The following ANKRD30B variants were observed in gnomAD, a reference collection of about 807,000 sequenced individuals.
ANKRD30B encodes the protein ankyrin repeat domain 30B, also known as ankyrin repeat domain-containing protein 30B.
In ANKRD30B, 144 loss-of-function variants were observed where a neutral mutation model predicts 202.2. That is an observed-to-expected ratio of 0.71 (90% CI 0.62 to 0.82). The LOEUF is 0.82. Ranked by LOEUF, ANKRD30B falls within the 40% of genes least tolerant of loss-of-function variation. The probability of loss-of-function intolerance (pLI) is 0.00; values close to 1 mark genes in which losing one functional copy is unlikely to be tolerated. For synonymous variants in ANKRD30B, 508 were observed against 561.3 expected, an observed-to-expected ratio of 0.91 and a Z score of 1.34; for missense variants, 1,487 against 1,669.1, an observed-to-expected ratio of 0.89 and a Z score of 1.90.
At chr18:14,880,918 T>G in the ANKRD30B span, among the ~76,000 whole-genome samples, 1 of 152,222 alleles carries the variant, frequency 6.6e-6, no homozygotes, top group Non-Finnish European at 1.5e-5. Flanking sequence ...GAGCTACTGA[T>G]TTGTGTCCAT....
At chr18:14,766,619 T>A (rs575669664) in intron 7 of ANKRD30B, among the ~76,000 whole-genome samples, 19 of 152,220 alleles carry the variant, frequency 1.2e-4, no homozygotes, top group Middle Eastern at 6.8e-3. Flanking sequence ...GGATATTTTC[T>A]GTAGGTAATT....
At chr18:14,901,046 G>C in the ANKRD30B span, among the ~76,000 whole-genome samples, 8 of 152,110 alleles carry the variant, frequency 5.3e-5, no homozygotes, top group Non-Finnish European at 1.0e-4. Flanking sequence ...AAAACTCCAG[G>C]AGCCTATTTT....
the ANKRD30B span, among the ~76,000 whole-genome samples, chr18:14,896,225 AG>A: frequency 6.7e-6 from 1 of 149,832 alleles, no homozygotes; most frequent in Non-Finnish European, 1.5e-5. Flanking sequence ...TCCGCCTCCC[AG>A]GTTTGTGCCA....
intron 33 of ANKRD30B, among the ~76,000 whole-genome samples, chr18:14,829,332 A>T (rs961669881): frequency 3.9e-5 from 6 of 152,222 alleles, no homozygotes; most frequent in Non-Finnish European, 7.3e-5. Context: ...AGGTAGCAGA[A>T]GTAATATTTA....
rs1238969494 is a variant in ANKRD30B, at chr18:14,748,243, G to T, written c.-177G>T. The T allele has an allele frequency of 3.6e-6, 2 of 558,016 alleles. No individual in the cohort carries two copies. Among genetic ancestry groups the T allele is most frequent in the Admixed American group, 6.7e-5 (2 of 29,638 alleles). The allele number at this position is 558,016 out of a possible 1,614,324, so 34.6% of individuals were successfully genotyped here. ...TCCCGACAGAGGCCGGAGTGTTCAA[G>T]AGCTTGGCGATACAGAAATTTCTGC... On this transcript the variant is annotated 5_prime_UTR_variant, in exon 1 of 44. Transcript: ENST00000690538.
the ANKRD30B span, among the ~76,000 whole-genome samples, chr18:14,926,167 A>G: frequency 6.6e-6 from 1 of 152,186 alleles, no homozygotes; most frequent in African/African-American, 2.4e-5. Flanking sequence ...GGTTTCCTGA[A>G]GGTGTAATTA....
At chr18:14,863,607 T>C in the ANKRD30B span, among the ~76,000 whole-genome samples, 1 of 152,286 alleles carries the variant, frequency 6.6e-6, no homozygotes, top group Middle Eastern at 3.4e-3. Context: ...TGAAATTGAA[T>C]TTGTAATAAA....
In ANKRD30B at chr18:14,760,612, A is replaced by T; in HGVS notation, c.814A>T (p.Asn272Tyr). ...ATTACCTAAAAATCCTCAAAATACC[A>T]ATCCAGGTAAGACTTCGGATAGCAA... is the stretch of plus-strand genomic sequence containing the variant. ...RKLPKNPQNT[N>Y]PEGTSTGTPD... Residue 272 changes from asparagine to tyrosine, a missense_variant, in exon 6 of 44, where the codon AAT (asparagine) becomes TAT (tyrosine). Asn to Tyr is a moderately radical substitution (Grantham distance 143). Around this residue, in one of 6 missense-constraint regions of ANKRD30B, gnomAD observed 889 missense variants for 841.4 expected, o/e 1.06. Transcript: ENST00000690538. 6.5e-7 allele frequency: 1 copy of T among 1,535,924 alleles called. No homozygotes were observed. Among genetic ancestry groups the T allele is most frequent in the East Asian group, 2.5e-5 (1 of 40,218 alleles).
downstream of ANKRD30B, among the ~76,000 whole-genome samples, chr18:14,854,786 G>A (rs1212845428): frequency 2.0e-5 from 3 of 149,114 alleles, no homozygotes; most frequent in African/African-American, 7.5e-5. Flanking sequence ...CCTGTCCCAA[G>A]ACTCCAAGTT....
chr18:14,867,135 G>A, the ANKRD30B span, among the ~76,000 whole-genome samples: 473 of 136,604 alleles, frequency 3.5e-3, no homozygotes, highest in Non-Finnish European at 5.2e-3. Context: ...CTTGTGGTCC[G>A]GGTGGGGGGC....
At chr18:14,920,849 CAA>C in the ANKRD30B span, among the ~76,000 whole-genome samples, 1 of 152,228 alleles carries the variant, frequency 6.6e-6, no homozygotes, top group Non-Finnish European at 1.5e-5. Context: ...AAATAATTGA[CAA>C]GTTACCAAGT....
intron 42 of ANKRD30B, among the ~76,000 whole-genome samples, 24 bp from the exon 43 acceptor site, chr18:14,853,785 A>G (rs1366577658): frequency 6.6e-6 from 1 of 152,228 alleles, no homozygotes; most frequent in Non-Finnish European, 1.5e-5. Flanking sequence ...GATGATTCAC[A>G]AAATCAAAAA....
At chr18:14,891,282 G>A in the ANKRD30B span, among the ~76,000 whole-genome samples, 2 of 149,620 alleles carry the variant, frequency 1.3e-5, 1 homozygote, top group South Asian at 4.3e-4. Context: ...TTTGCTACCT[G>A]GATAATAAAA....
chr18:14,819,118 A>G lies in ANKRD30B; in HGVS notation c.2642-3365A>G, dbSNP rs531236062. ...TGCATTTCTCTGATGGCCAGTGATG[A>G]TGAGCATTTTTTCATGTGTTTTTTG... On this transcript the variant is annotated intron_variant, in intron 30 of 43. Coordinates refer to ENST00000690538, the MANE Select transcript of ANKRD30B (RefSeq NM_001367607.2). Among the ~76,000 whole-genome samples the G allele has an allele frequency of 6.6e-5, 10 of 151,218 alleles. No homozygotes were observed. The East Asian group carries it at 1.2e-3, about 18-fold the overall frequency.
chr18:14,917,482 G>GCCTTCCCT, the ANKRD30B span, among the ~76,000 whole-genome samples: 1 of 152,116 alleles, frequency 6.6e-6, no homozygotes, highest in Non-Finnish European at 1.5e-5. Context: ...GCAGACACGG[G>GCCTTCCCT]GTCTGGCCAT....
chr18:14,818,828 G>A (rs1970257878), intron 30 of ANKRD30B, among the ~76,000 whole-genome samples: 1 of 151,934 alleles, frequency 6.6e-6, no homozygotes, highest in Non-Finnish European at 1.5e-5. Context: ...ACATACGTGT[G>A]CATGTGTCGT....
At chr18:14,750,643 C>G (rs1184981387) in intron 1 of ANKRD30B, among the ~76,000 whole-genome samples, 1 of 152,070 alleles carries the variant, frequency 6.6e-6, no homozygotes, top group Non-Finnish European at 1.5e-5. Flanking sequence ...TTTCTGAGCA[C>G]TGCTTAAAAT....
At chr18:14,900,391 T>C in the ANKRD30B span, among the ~76,000 whole-genome samples, 1 of 152,160 alleles carries the variant, frequency 6.6e-6, no homozygotes, top group Non-Finnish European at 1.5e-5. Flanking sequence ...TTTCTACCCA[T>C]TTGAAGTTAC....
At chr18:14,859,950 C>T in the ANKRD30B span, among the ~76,000 whole-genome samples, 54 of 131,322 alleles carry the variant, frequency 4.1e-4, no homozygotes, top group African/African-American at 1.5e-3. Context: ...GGAGGCACTC[C>T]TCACCTCCCA....
Sources: allele counts gnomAD v4.1 joint callset (sites outside exome capture counted in the v4.1 genomes callset), GRCh38; gene constraint gnomAD v4.1.1; regional missense constraint gnomAD v4.1.1; transcripts MANE v1.5; gene names NCBI Gene and HGNC (gene_info 2026-07-23, HGNC 2026-07-21).